PI4KA: variants seen among roughly 807,000 people sequenced by gnomAD.
PI4KA encodes the protein PI4-kinase alpha.
Under a neutral mutation model 271.4 loss-of-function variants are expected in PI4KA, and 122 were observed. The ratio of observed to expected loss-of-function variants is 0.45; its 90% CI spans 0.39 to 0.52. The LOEUF (loss-of-function observed/expected upper bound fraction) is 0.52. Ranked by LOEUF, PI4KA falls within the 20% of genes least tolerant of loss-of-function variation. The pLI is 0.00. For missense variants in PI4KA, 1,969 were observed against 2,769.1 expected (o/e 0.71, Z 6.48); for synonymous variants, 1,041 against 1,078.8 (o/e 0.96, Z 0.69).
At chr22:20,741,537 C>T (rs1929459190) in intron 32 of PI4KA, among the ~76,000 whole-genome samples, 1 of 152,058 alleles carries the variant, frequency 6.6e-6, no homozygotes, top group South Asian at 2.1e-4. Flanking sequence ...ACAAACCCCA[C>T]GAGGTTATAA....
chr22:20,813,053 G>A (rs1921273353), intron 8 of PI4KA, among the ~76,000 whole-genome samples: 1 of 152,278 alleles, frequency 6.6e-6, no homozygotes, highest in Middle Eastern at 3.4e-3. Context: ...CAGAATCCCT[G>A]GACTGGATGC....
At position 20,836,089 on chromosome 22, in the gene PI4KA, A is replaced by AAAAC. The variant is rs1569087368; in HGVS notation, c.274-1435_274-1434insGTTT. On this transcript the variant is annotated intron_variant, in intron 2 of 54. Coordinates refer to ENST00000255882, the MANE Select transcript of PI4KA (RefSeq NM_058004.4). ...CAAAACAAAACAAAACAAAACAAAA[A>AAAAC]ACAACAAAAAAACATGGCAGAAGGC... Among the ~76,000 whole-genome samples, 49 of 95,228 alleles carry AAAAC rather than the reference A, an allele frequency of 5.1e-4. 1 individual carries two copies. Among genetic ancestry groups the AAAAC allele is most frequent in the East Asian group, 9.7e-4 (3 of 3,082 alleles). The allele number at this position is 95,228 out of a possible 152,430, so 62.5% of individuals were successfully genotyped here.
intron 19 of PI4KA, among the ~76,000 whole-genome samples, chr22:20,771,793 G>A (rs1932886436): frequency 6.6e-6 from 1 of 151,970 alleles, no homozygotes; most frequent in Non-Finnish European, 1.5e-5. Flanking sequence ...TGTTGGTCAG[G>A]CTGGTCTTGA....
At position 20,807,398 on chromosome 22, in the gene PI4KA, A is replaced by G. The variant is rs376680350; in HGVS notation, c.1132T>C (p.Phe378Leu). Residue 378 changes from phenylalanine (F) to leucine (L), a missense_variant, in exon 10 of 55, where the codon TTC becomes CTC. Phe to Leu is a conservative substitution (Grantham distance 22). Coordinates refer to ENST00000255882, the MANE Select transcript of PI4KA (RefSeq NM_058004.4). ...TACAGAGTGTCACGCAGCATCTTGA[A>G]CATGGTCAGGTAGAGAGGGTCACTG... ...SFSDPLYLTM[F>L]KMLRDTLYYM... 6.2e-7 allele frequency: 1 copy of G among 1,613,490 alleles called. No individual in the cohort carries two copies. The highest frequency in any genetic ancestry group is 8.5e-7 in the Non-Finnish European group (1 of 1,179,538).
chr22:20,727,681 GTT>G (rs1191135928), intron 40 of PI4KA, 91 bp downstream of exon 40: 7 of 1,003,396 alleles, frequency 7.0e-6, no homozygotes, highest in Non-Finnish European at 1.1e-5. Flanking sequence ...CCAAGCGGCT[GTT>G]TTTGTCTCAT....
intron 23 of PI4KA, among the ~76,000 whole-genome samples, chr22:20,754,234 TACA>T (rs1449236669): frequency 6.6e-6 from 1 of 152,140 alleles, no homozygotes. Context: ...ATTACAGATG[TACA>T]ACACCATGCT....
chr22:20,778,730 T>A (rs940101086), intron 19 of PI4KA, among the ~76,000 whole-genome samples: 2 of 152,118 alleles, frequency 1.3e-5, no homozygotes, highest in Non-Finnish European at 2.9e-5. Flanking sequence ...TACTCTCCAA[T>A]CACCAGCCCC....
chr22:20,797,055 A>C (rs745653343), intron 17 of PI4KA, among the ~76,000 whole-genome samples: 1 of 152,214 alleles, frequency 6.6e-6, no homozygotes, highest in Non-Finnish European at 1.5e-5. Context: ...TTCTCTTCGT[A>C]GGATCACGGG....
rs1275258658 is a variant in PI4KA at position 20,727,265 on chromosome 22, G to A, written c.4906C>T (p.Gln1636Ter). ...GACCGCAGGACTTTCACCCCGTACTGCGCCGTGAGAGGGTGCGGCGGGTAC... is the reference window on the plus strand; with the variant it reads ...GACCGCAGGACTTTCACCCCGTACTACGCCGTGAGAGGGTGCGGCGGGTAC... ...SMYPPHPLTA[Q>*]YGVKVLRSFP... Residue 1636 changes from glutamine to a stop codon, truncating the protein, a stop_gained, in exon 41 of 55, where the codon CAG becomes TAG. Coordinates refer to ENST00000255882, the MANE Select transcript of PI4KA (RefSeq NM_058004.4). LOFTEE classifies it high-confidence loss of function. The A allele has an allele frequency of 6.2e-7, 1 of 1,613,422 alleles. No individual in the cohort carries two copies. Among genetic ancestry groups the A allele is most frequent in the Non-Finnish European group, 8.5e-7 (1 of 1,179,930 alleles).
chr22:20,741,995 CT>C (rs778000969), intron 32 of PI4KA, among the ~76,000 whole-genome samples: 11 of 152,200 alleles, frequency 7.2e-5, no homozygotes, highest in Admixed American at 2.0e-4. Flanking sequence ...ATGGCTCCCC[CT>C]ACCGAGGTTT....
At chr22:20,818,893 A>G (rs1922199201) in intron 6 of PI4KA, among the ~76,000 whole-genome samples, 1 of 152,190 alleles carries the variant, frequency 6.6e-6, no homozygotes, top group African/African-American at 2.4e-5. Flanking sequence ...TATGAAACAT[A>G]TACTTTATGA....
Position 20,834,549 on chromosome 22 carries a change from T to A in PI4KA, c.367+13A>T, listed in dbSNP as rs767342243. 6.7e-7 allele frequency: 1 copy of A among 1,483,746 alleles called. No homozygotes were observed. The highest frequency in any genetic ancestry group is 1.4e-5 in the African/African-American group (1 of 72,566). The allele number at this position is 1,483,746 out of a possible 1,614,324, so 91.9% of individuals were successfully genotyped here. A position where few individuals can be genotyped will look rare whatever the true frequency, so the allele number is the denominator to read the frequency against. On this transcript the variant is annotated intron_variant, in intron 3 of 54. Transcript: ENST00000255882. ...TTTCTCTTATATTCAGGGAAAACAT[T>A]ATATACAATTACCTCTGCCTTTCCG... is the stretch of plus-strand genomic sequence containing the variant.
At chr22:20,842,544 G>A (rs1163938969) in intron 1 of PI4KA, among the ~76,000 whole-genome samples, 1 of 152,182 alleles carries the variant, frequency 6.6e-6, no homozygotes, top group Admixed American at 6.5e-5. Context: ...CGGGCACCGT[G>A]GCTCACACCT....
intron 19 of PI4KA, among the ~76,000 whole-genome samples, chr22:20,769,530 G>A (rs773677119): frequency 2.3e-4 from 35 of 152,180 alleles, no homozygotes; most frequent in Admixed American, 3.9e-4. Context: ...TTAGCCAGGC[G>A]TGGTGGCACA....
intron 19 of PI4KA, among the ~76,000 whole-genome samples, chr22:20,791,007 G>A (rs895229678): frequency 6.6e-6 from 1 of 152,090 alleles, no homozygotes; most frequent in Non-Finnish European, 1.5e-5. Flanking sequence ...CACCCCAGCA[G>A]CCCGGAGAGG....
intron 1 of PI4KA, among the ~76,000 whole-genome samples, chr22:20,844,493 C>T (rs75316725): frequency 2.5e-3 from 376 of 152,292 alleles, no homozygotes; most frequent in African/African-American, 8.2e-3. Flanking sequence ...CAGTCACTCC[C>T]TCATGAGCGT....
At chr22:20,794,643 A>T (rs1934870573) in intron 18 of PI4KA, among the ~76,000 whole-genome samples, 2 of 151,904 alleles carry the variant, frequency 1.3e-5, no homozygotes, top group South Asian at 4.2e-4. Context: ...CTCAAATGCC[A>T]CTCTTCAGAG....
At chr22:20,785,450 C>T (rs530218470) in intron 19 of PI4KA, among the ~76,000 whole-genome samples, 148 of 152,290 alleles carry the variant, frequency 9.7e-4, no homozygotes, top group Non-Finnish European at 1.7e-3. Context: ...GCCTTCCTGC[C>T]CATCCAGCTG....
At chr22:20,732,206 AAAAT>A (rs1470643613) in intron 36 of PI4KA, among the ~76,000 whole-genome samples, 3 of 151,834 alleles carry the variant, frequency 2.0e-5, no homozygotes, top group East Asian at 1.9e-4. Flanking sequence ...TTAAAAAATA[AAAAT>A]AAATAAATAA....
Sources: allele counts gnomAD v4.1 joint callset (sites outside exome capture counted in the v4.1 genomes callset), GRCh38; gene constraint gnomAD v4.1.1; transcripts MANE v1.5; gene names NCBI Gene and HGNC (gene_info 2026-07-23, HGNC 2026-07-21).